Variants in ABCA1 observed in about 807,000 individuals in gnomAD.
ABCA1 encodes ATP binding cassette subfamily A member 1.
In ABCA1, 133 loss-of-function variants were observed where a neutral mutation model predicts 262.5. That is an observed-to-expected ratio of 0.51 (90% CI 0.44 to 0.59). The LOEUF (loss-of-function observed/expected upper bound fraction) is 0.59, where lower values mean the gene tolerates loss of function less well. Ranked by LOEUF, ABCA1 falls within the 20% of genes least tolerant of loss-of-function variation. The probability of loss-of-function intolerance (pLI) is 0.00; values close to 1 mark genes in which losing one functional copy is unlikely to be tolerated. For synonymous variants in ABCA1, 1,022 were observed against 1,043.5 expected (o/e 0.98, Z 0.40); for missense variants, 2,452 against 2,777.5 (o/e 0.88, Z 2.63).
rs902433014 is a variant in ABCA1 at position 104,819,448 on chromosome 9, T to C, written c.3241+138A>G. 35 of 1,234,986 alleles carry C rather than the reference T, an allele frequency of 2.8e-5. No individual in the cohort carries two copies. In the East Asian group the frequency reaches 6.8e-4, roughly 24 times the overall value. 76.5% of individuals were successfully genotyped at this position (1,234,986 alleles called of 1,614,324 possible). A position where few individuals can be genotyped will look rare whatever the true frequency, so the allele number is the denominator to read the frequency against. The stretch of plus-strand genomic sequence containing the variant: ...CTCCTCTCAGGAATCTCAGTCTCAA[T>C]GCCCTTTATCTCTTCTGTGATAACA... On this transcript the variant is annotated intron_variant, in intron 22 of 49. Transcript: ENST00000374736.
chr9:104,821,142 C>A (rs780692221), intron 20 of ABCA1, among the ~76,000 whole-genome samples: 4 of 152,104 alleles, frequency 2.6e-5, no homozygotes, highest in Admixed American at 1.3e-4. Context: ...ACTCGGGAGG[C>A]TGAGGCAGGA....
intron 13 of ABCA1, among the ~76,000 whole-genome samples, 159 bp downstream of exon 13, chr9:104,831,463 T>C (rs756620826): frequency 2.0e-5 from 3 of 152,222 alleles, no homozygotes. Flanking sequence ...CAGCAAGTCA[T>C]GTACCAATTT....
At chr9:104,844,253 C>G (rs946253210) in intron 8 of ABCA1, among the ~76,000 whole-genome samples, 3 of 151,396 alleles carry the variant, frequency 2.0e-5, no homozygotes, top group African/African-American at 7.2e-5. Context: ...AACAGTTTCT[C>G]TTTCTCATTC....
At chr9:104,795,991 C>G (rs1302446886) in intron 39 of ABCA1, 62 bp downstream of exon 39, 2 of 1,607,822 alleles carry the variant, frequency 1.2e-6, no homozygotes, top group Non-Finnish European at 1.7e-6. Context: ...CACAATTAAA[C>G]ACTGTCCTCT....
intron 5 of ABCA1, among the ~76,000 whole-genome samples, chr9:104,876,144 G>A (rs999961009): frequency 3.3e-5 from 5 of 152,144 alleles, no homozygotes; most frequent in Non-Finnish European, 7.4e-5. Flanking sequence ...CACACCACTT[G>A]GGTCATGCCA....
chr9:104,904,702 G>A (rs59857978), intron 1 of ABCA1, among the ~76,000 whole-genome samples: 169 of 152,150 alleles, frequency 1.1e-3, no homozygotes, highest in African/African-American at 3.9e-3. Flanking sequence ...CAACCCTAGC[G>A]CTGTGTCTCT....
intron 1 of ABCA1, among the ~76,000 whole-genome samples, chr9:104,917,576 G>GA (rs11370908): frequency 0.81 from 122,269 of 151,802 alleles, 49,274 homozygotes; most frequent in Middle Eastern, 0.83. Context: ...CCAACATGAC[G>GA]AACCCCATCT....
intron 33 of ABCA1, 45 bp from the exon 34 acceptor site, chr9:104,802,204 A>G (rs374514862): frequency 8.3e-5 from 127 of 1,525,290 alleles, no homozygotes; most frequent in Non-Finnish European, 1.1e-4. Context: ...TGGGGTGCAC[A>G]GTATCATCAG....
At position 104,782,199 on chromosome 9, in the gene ABCA1, T is replaced by C. The variant is rs1434621837; in HGVS notation, c.*2116A>G. The C allele has an allele frequency of 6.6e-6, 1 of 152,162 alleles. No individual in the cohort carries two copies. Among genetic ancestry groups the C allele is most frequent in the Non-Finnish European group, 1.5e-5 (1 of 67,974 alleles). 9.4% of individuals were successfully genotyped at this position (152,162 alleles called of 1,614,324 possible). ...AGGAGAAATTATTCTATAAATTCTG[T>C]ATTTTTGAAGATACTGTAAAATGCA... On this transcript the variant is annotated 3_prime_UTR_variant, in exon 50 of 50. Coordinates refer to ENST00000374736, the MANE Select transcript of ABCA1 (RefSeq NM_005502.4).
intron 1 of ABCA1, among the ~76,000 whole-genome samples, chr9:104,904,031 C>G (rs1043251634): frequency 1.3e-5 from 2 of 152,204 alleles, no homozygotes; most frequent in African/African-American, 4.8e-5. Context: ...ATGTTATCAT[C>G]TGGGAATGAA....
At chr9:104,917,179 G>C (rs181344118) in intron 1 of ABCA1, among the ~76,000 whole-genome samples, 25 of 152,222 alleles carry the variant, frequency 1.6e-4, no homozygotes, top group Non-Finnish European at 3.1e-4. Context: ...AGAGAGACAA[G>C]AGTTTGAATC....
intron 4 of ABCA1, 149 bp downstream of exon 4, chr9:104,884,278 C>A (rs1838958582): frequency 2.1e-6 from 2 of 957,540 alleles, no homozygotes; most frequent in Non-Finnish European, 3.2e-6. Context: ...CCAAAATTCT[C>A]CCTTCCCTCA....
At chr9:104,814,094 CTG>C (rs1482297257) in intron 27 of ABCA1, 22 bp downstream of exon 27, 3 of 1,605,186 alleles carry the variant, frequency 1.9e-6, no homozygotes, top group Middle Eastern at 1.7e-4. Flanking sequence ...CAGTAGGACA[CTG>C]TTTGATCTTG....
At chr9:104,820,984 C>A (rs1832277300) in intron 20 of ABCA1, among the ~76,000 whole-genome samples, 1 of 152,236 alleles carries the variant, frequency 6.6e-6, no homozygotes, top group Non-Finnish European at 1.5e-5. Context: ...GTGGCTCATG[C>A]CTGTGTTCCC....
intron 1 of ABCA1, among the ~76,000 whole-genome samples, chr9:104,904,728 T>A (rs1226507767): frequency 6.6e-6 from 1 of 152,034 alleles, no homozygotes; most frequent in Non-Finnish European, 1.5e-5. Flanking sequence ...GAAAACAGCA[T>A]CCCATGGAGA....
intron 6 of ABCA1, 57 bp from the exon 7 acceptor site, chr9:104,858,755 C>G: frequency 6.3e-7 from 1 of 1,590,162 alleles, no homozygotes; most frequent in Middle Eastern, 1.7e-4. Flanking sequence ...AGATTGGAAG[C>G]TGGGTCCTTG....
rs34590907 is a variant in ABCA1 at position 104,831,807 on chromosome 9, T to C, written c.1530A>G (p.Leu510=). ...GCCAGACTTCTGTTGCTATGGGTTCTAGCTTGTTCAGGTTGACACACTGAT... is the reference window on the plus strand; with the variant it reads ...GCCAGACTTCTGTTGCTATGGGTTCCAGCTTGTTCAGGTTGACACACTGAT... ...RFMECVNLNK[L]EPIATEVWLI... The change falls in exon 13 of 50, where the codon CTA becomes CTG. Residue 510 remains leucine (L), a synonymous_variant. Coordinates refer to ENST00000374736, the MANE Select transcript of ABCA1 (RefSeq NM_005502.4). The C allele has an allele frequency of 6.6e-4, 1,072 of 1,614,224 alleles. 6 individuals are homozygous for C. In the African/African-American group the frequency reaches 0.013, roughly 19 times the overall value.
At position 104,803,262 on chromosome 9, in the gene ABCA1, T is replaced by C. The variant is rs1007707744; in HGVS notation, c.4592+22A>G. 4 of 1,613,810 alleles carry C rather than the reference T, an allele frequency of 2.5e-6. No individual in the cohort carries two copies. The African/African-American group carries it at 4.0e-5, about 16-fold the overall frequency. On this transcript the variant is annotated intron_variant, in intron 33 of 49. Coordinates refer to ENST00000374736, the MANE Select transcript of ABCA1 (RefSeq NM_005502.4). The stretch of plus-strand genomic sequence containing the variant: ...CACCATCCTCCCCCTGAGCTAAACG[T>C]GCCAGAAAGACAGCAACTTACCTAA...
intron 7 of ABCA1, among the ~76,000 whole-genome samples, chr9:104,851,316 G>T (rs1471468957): frequency 6.6e-6 from 1 of 152,112 alleles, no homozygotes; most frequent in African/African-American, 2.4e-5. Context: ...TGAGGATAAG[G>T]CCCTATATCC....
Sources: gnomAD v4.1 joint callset for allele counts (sites outside exome capture counted in the v4.1 genomes callset) on GRCh38, gnomAD v4.1.1 for gene constraint, MANE v1.5 for transcripts, NCBI Gene and HGNC (gene_info 2026-07-23, HGNC 2026-07-21) for gene names.